ZNFX1: variants seen among roughly 807,000 people sequenced by gnomAD.
ZNFX1 encodes the protein zinc finger NFX1-type containing 1.
ZNFX1 carries 78 observed loss-of-function variants against 179.8 expected under a neutral mutation model. That is an observed-to-expected ratio of 0.43 (90% CI 0.36 to 0.52). ZNFX1 has a LOEUF of 0.52. ZNFX1 is among the 20% of genes least tolerant of loss of function. ZNFX1 has a pLI of 0.00. For missense variants in ZNFX1, 1,927 were observed against 2,386.6 expected (o/e 0.81, Z 4.01); for synonymous variants, 848 against 868.5 (o/e 0.98, Z 0.42).
Position 49,247,732 on chromosome 20 carries a change from T to C in ZNFX1, c.5292A>G (p.Thr1764=). ...AGCGGGTCAGAAGGTTCACCAGGTATGTGAGCCTCTGGATTTCACTTCGGA... is the reference window on the plus strand; with the variant it reads ...AGCGGGTCAGAAGGTTCACCAGGTACGTGAGCCTCTGGATTTCACTTCGGA... The part of the protein sequence containing the change: ...SDLRSEIQRL[T]YLVNLLTRYK... Residue 1764 remains threonine (T), a synonymous_variant, in exon 14 of 14, where the codon ACA becomes ACG. Coordinates refer to ENST00000396105, the MANE Select transcript of ZNFX1 (RefSeq NM_021035.3). 6.2e-7 allele frequency: 1 copy of C among 1,614,256 alleles called. No individual in the cohort carries two copies. The highest frequency in any genetic ancestry group is 2.2e-5 in the East Asian group (1 of 44,892).
chr20:49,272,287 C>T lies in ZNFX1; in HGVS notation c.62-537G>A, dbSNP rs561065795. Reference sequence around the variant, plus strand: ...CTGCCTCCTAGGTTCAAGTGATTCTCCTGCCTCGGCTCCCGAGCAGCTGGG... The same window carrying T: ...CTGCCTCCTAGGTTCAAGTGATTCTTCTGCCTCGGCTCCCGAGCAGCTGGG... On this transcript the variant is annotated intron_variant, in intron 2 of 13. Transcript: ENST00000396105. 5.9e-5 allele frequency among the ~76,000 whole-genome samples: 9 copies of T among 151,630 alleles called. No individual in the cohort carries two copies. The South Asian group carries it at 6.2e-4, about 10-fold the overall frequency.
At chr20:49,249,836 A>G in intron 13 of ZNFX1, 125 bp from the exon 14 acceptor site, 1 of 915,392 alleles carries the variant, frequency 1.1e-6, no homozygotes, top group East Asian at 2.6e-5. Context: ...CTTTTTGTCC[A>G]CTCAACATCA....
In ZNFX1 at chr20:49,271,767, A is replaced by G; in HGVS notation, c.62-17T>C. 1 of 1,577,846 alleles carries G rather than the reference A, an allele frequency of 6.3e-7. No homozygotes were observed. The highest frequency in any genetic ancestry group is 8.6e-7 in the Non-Finnish European group (1 of 1,160,392). On this transcript the variant is annotated splice_polypyrimidine_tract_variant and intron_variant, in intron 2 of 13. Coordinates refer to ENST00000396105, the MANE Select transcript of ZNFX1 (RefSeq NM_021035.3). ...CCACAGGGCCTAAACACAATGAAAT[A>G]TTGAGTAACCACAAGAACCAAGTTC... is the stretch of plus-strand genomic sequence containing the variant.
In ZNFX1 at chr20:49,271,323, T is replaced by C. The variant is rs2146742441; in HGVS notation, c.489A>G (p.Thr163=). 1 of 1,614,140 alleles carries C rather than the reference T, an allele frequency of 6.2e-7. No individual in the cohort carries two copies. Residue 163 remains threonine, a synonymous_variant, in exon 3 of 14, where the codon ACA becomes ACG. Transcript: ENST00000396105. ...CTTTCAGCCCTAAACTTGTGGCAAG[T>C]GTGATGACCACCTCAGAAGGGTCTT... ...LQKDPSEVVI[T]LATSLGLKEL... is the part of the protein sequence containing the mutation.
At chr20:49,259,051 G>A (rs947175562) in intron 7 of ZNFX1, among the ~76,000 whole-genome samples, 15 of 149,696 alleles carry the variant, frequency 1.0e-4, no homozygotes, top group Admixed American at 2.0e-4. Flanking sequence ...GCAGTGAGCC[G>A]AGATCACACC....
At chr20:49,261,847 C>T (rs1200875333) in intron 6 of ZNFX1, among the ~76,000 whole-genome samples, 3 of 151,144 alleles carry the variant, frequency 2.0e-5, no homozygotes, top group African/African-American at 4.9e-5. Context: ...GGGGTTTCAG[C>T]GTGTTAGCCA....
At chr20:49,252,423 T>C (rs1291146414) in intron 12 of ZNFX1, among the ~76,000 whole-genome samples, 6 of 151,268 alleles carry the variant, frequency 4.0e-5, no homozygotes, top group Non-Finnish European at 8.8e-5. Flanking sequence ...ATTGCAGGTG[T>C]GAGCCACCGC....
In ZNFX1 at chr20:49,253,798, G is replaced by T; in HGVS notation, c.2973C>A (p.Tyr991Ter). 6.2e-7 allele frequency: 1 copy of T among 1,614,118 alleles called. No homozygotes were observed. Among genetic ancestry groups the T allele is most frequent in the Non-Finnish European group, 8.5e-7 (1 of 1,180,018 alleles). ...VGMTTTGAAK[Y>*]RQILQKVEPR... ...GCTCCACCTTCTGTAGGATCTGGCG[G>T]TATTTGGCAGCACCTCAAGTGAGGA... The change falls in exon 11 of 14, where the codon TAC becomes TAA. Residue 991 changes from tyrosine to a stop codon, truncating the protein, a stop_gained. Transcript: ENST00000396105. LOFTEE classifies it high-confidence loss of function.
chr20:49,247,173 G>T lies in ZNFX1; in HGVS notation c.*94C>A. 1 of 1,498,452 alleles carries T rather than the reference G, an allele frequency of 6.7e-7. No homozygotes were observed. The highest frequency in any genetic ancestry group is 9.0e-7 in the Non-Finnish European group (1 of 1,116,860). 92.8% of individuals were successfully genotyped at this position (1,498,452 alleles called of 1,614,324 possible). The stretch of plus-strand genomic sequence containing the variant: ...TAAGCCACTGCGCCCAGCCTAAAAA[G>T]GATGATAATAAAAAACAAACTTCAG... On this transcript the variant is annotated 3_prime_UTR_variant, in exon 14 of 14. Transcript: ENST00000396105.
chr20:49,253,778 A>G lies in ZNFX1; in HGVS notation c.2993T>C (p.Val998Ala). ...AAKYRQILQKVEPRIVIVEEA... is the reference protein window; with the variant it reads ...AAKYRQILQKAEPRIVIVEEA... Reference sequence around the variant, plus strand: ...TTCCACTATGACAATCCTCGGCTCCACCTTCTGTAGGATCTGGCGGTATTT... The same window carrying G: ...TTCCACTATGACAATCCTCGGCTCCGCCTTCTGTAGGATCTGGCGGTATTT... Residue 998 changes from valine to alanine, a missense_variant, in exon 11 of 14, where the codon GTG (valine) becomes GCG (alanine). Transcript: ENST00000396105. 3.7e-6 allele frequency: 6 copies of G among 1,614,148 alleles called. No individual in the cohort carries two copies. Among genetic ancestry groups the G allele is most frequent in the Non-Finnish European group, 5.1e-6 (6 of 1,180,032 alleles).
In ZNFX1 at chr20:49,252,749, T is replaced by C. The variant is rs1568982028; in HGVS notation, c.3187A>G (p.Asn1063Asp). ...VSLFERLVKVNIPFVRLNYQH... is the reference protein window; with the variant it reads ...VSLFERLVKVDIPFVRLNYQH... ...TAATTCAGACGGACAAAGGGAATGTTTACTTTCACTAGCCGTTCAAAAAGG... is the reference window on the plus strand; with the variant it reads ...TAATTCAGACGGACAAAGGGAATGTCTACTTTCACTAGCCGTTCAAAAAGG... Residue 1063 changes from asparagine to aspartate, a missense_variant, in exon 12 of 14, where the codon AAC (asparagine) becomes GAC (aspartate). Coordinates refer to ENST00000396105, the MANE Select transcript of ZNFX1 (RefSeq NM_021035.3). 1.2e-6 allele frequency: 2 copies of C among 1,614,100 alleles called. No homozygotes were observed. The highest frequency in any genetic ancestry group is 4.5e-5 in the East Asian group (2 of 44,888).
chr20:49,276,977 T>A (rs978917867), intron 1 of ZNFX1, among the ~76,000 whole-genome samples: 2 of 149,712 alleles, frequency 1.3e-5, no homozygotes, highest in African/African-American at 2.5e-5. Flanking sequence ...AAATAGAAAC[T>A]CCAGAAAATT....
At chr20:49,258,120 G>C (rs561374211) in intron 7 of ZNFX1, among the ~76,000 whole-genome samples, 2 of 140,222 alleles carry the variant, frequency 1.4e-5, no homozygotes, top group African/African-American at 2.6e-5. Flanking sequence ...TTTTTGAGAC[G>C]GAGTTTCACT....
At position 49,249,113 on chromosome 20, in the gene ZNFX1, C is replaced by T. The variant is rs911945782; in HGVS notation, c.3911G>A (p.Arg1304His). ...FRLGCGHVCT[R>H]ACHPYDSSHK... The stretch of plus-strand genomic sequence containing the variant: ...TGAAGAGTCATAAGGGTGGCAGGCA[C>T]GGGTGCAGACATGCCCACAGCCCAG... The change falls in exon 14 of 14, where the codon CGT (arginine) becomes CAT (histidine). Residue 1304 changes from arginine (R) to histidine (H), a missense_variant. By Grantham distance (29) the Arg-to-His change is conservative (BLOSUM62 0). Transcript: ENST00000396105. The T allele has an allele frequency of 1.2e-5, 19 of 1,614,114 alleles. No homozygotes were observed. In the East Asian group the frequency reaches 3.1e-4, roughly 26 times the overall value.
chr20:49,275,077 C>G (rs567791108), intron 2 of ZNFX1, among the ~76,000 whole-genome samples: 1 of 151,450 alleles, frequency 6.6e-6, no homozygotes, highest in Non-Finnish European at 1.5e-5. Context: ...GAGCAGAGAT[C>G]GCGCCACTGC....
rs777236251 is a variant in ZNFX1, at chr20:49,257,660, C to G, written c.2421G>C (p.Gln807His). The change falls in exon 8 of 14, where the codon CAG becomes CAC. Residue 807 changes from glutamine to histidine, a missense_variant. Physicochemically the swap from Gln to His is conservative, Grantham distance 24. Transcript: ENST00000396105. ...VSPAGPENTA[Q>H]AEGDEEEEGE... ...CTTCTTCCTCCTCATCCCCTTCTGC[C>G]TGGGCTAAGAGAGAGAAACAGGCAG... The G allele has an allele frequency of 6.2e-6, 10 of 1,613,502 alleles. No homozygotes were observed. The highest frequency in any genetic ancestry group is 6.8e-6 in the Non-Finnish European group (8 of 1,179,966).
chr20:49,277,404 G>A (rs1487143548), intron 1 of ZNFX1, among the ~76,000 whole-genome samples: 1 of 151,264 alleles, frequency 6.6e-6, no homozygotes, highest in Non-Finnish European at 1.5e-5. Flanking sequence ...GCTGAGGACG[G>A]AGGCGGCGGG....
At chr20:49,258,629 A>C (rs911439850) in intron 7 of ZNFX1, among the ~76,000 whole-genome samples, 7 of 150,934 alleles carry the variant, frequency 4.6e-5, no homozygotes, top group Non-Finnish European at 1.0e-4. Context: ...AACACGGTGA[A>C]ACTCTGTCTT....
At position 49,270,411 on chromosome 20, in the gene ZNFX1, G is replaced by A; in HGVS notation, c.1401C>T (p.Ala467=). 1 of 1,614,180 alleles carries A rather than the reference G, an allele frequency of 6.2e-7. No individual in the cohort carries two copies. The highest frequency in any genetic ancestry group is 8.5e-7 in the Non-Finnish European group (1 of 1,180,032). ...SKDNFETFLF[A]TVSNREQEDL... ...CTTCCTGCTCCCTGTTAGATACGGT[G>A]GCAAAAAGAAATGTCTCGAAGTTGT... is the stretch of plus-strand genomic sequence containing the variant. Residue 467 remains alanine (A), a synonymous_variant, in exon 3 of 14, where the codon GCC becomes GCT. Transcript: ENST00000396105. The surrounding 1 kb of genome is among the most constrained non-coding windows in gnomAD (Gnocchi z 4.6).
Sources: gnomAD v4.1 joint callset for allele counts (sites outside exome capture counted in the v4.1 genomes callset) on GRCh38, gnomAD v4.1.1 for gene constraint, Gnocchi (gnomAD v3.1) non-coding constraint, MANE v1.5 for transcripts, NCBI Gene and HGNC (gene_info 2026-07-23, HGNC 2026-07-21) for gene names.